The following GRIA4 variants were observed in gnomAD, a reference collection of about 807,000 sequenced individuals.
The protein encoded by GRIA4 is glutamate ionotropic receptor AMPA type subunit 4.
A neutral mutation model predicts 104.0 loss-of-function variants in GRIA4; 34 were observed. That is an observed-to-expected ratio of 0.33 (90% CI 0.25 to 0.44). The LOEUF is 0.44. Ranked by LOEUF, GRIA4 falls within the 20% of genes least tolerant of loss-of-function variation. GRIA4 has a pLI of 1.00. For missense variants in GRIA4, 750 were observed against 1,096.5 expected (o/e 0.68, Z 4.46); for synonymous variants, 386 against 381.9 (o/e 1.01, Z -0.13).
intron 7 of GRIA4, among the ~76,000 whole-genome samples, chr11:105,899,873 T>C (rs904606543): frequency 6.6e-6 from 1 of 152,166 alleles, no homozygotes; most frequent in Non-Finnish European, 1.5e-5. Context: ...ATGCGCATTT[T>C]CTCCATAAGG....
intron 3 of GRIA4, among the ~76,000 whole-genome samples, chr11:105,677,595 T>C (rs377477949): frequency 6.6e-6 from 1 of 151,942 alleles, no homozygotes; most frequent in Non-Finnish European, 1.5e-5. Context: ...GAGAAATTGC[T>C]AGATATTGCA....
intron 3 of GRIA4, among the ~76,000 whole-genome samples, chr11:105,636,657 A>C (rs979929089): frequency 1.3e-5 from 2 of 152,142 alleles, no homozygotes; most frequent in Non-Finnish European, 2.9e-5. Flanking sequence ...CCATATGGTG[A>C]TACTTCCTCA....
chr11:105,766,027 G>A (rs1364900996), intron 4 of GRIA4, among the ~76,000 whole-genome samples: 1 of 148,296 alleles, frequency 6.7e-6, no homozygotes, highest in African/African-American at 2.5e-5. Flanking sequence ...TTTATTTCAG[G>A]ATTTACACAA....
At chr11:105,698,221 T>G (rs536527942) in intron 3 of GRIA4, among the ~76,000 whole-genome samples, 37 of 152,300 alleles carry the variant, frequency 2.4e-4, no homozygotes, top group African/African-American at 8.9e-4. Context: ...ATATATTAAT[T>G]ATGTTAATAT....
At chr11:105,630,424 C>T (rs1213531532) in intron 3 of GRIA4, among the ~76,000 whole-genome samples, 3 of 151,978 alleles carry the variant, frequency 2.0e-5, no homozygotes, top group African/African-American at 7.3e-5. Context: ...ATTAGCCAGG[C>T]GTGGTGGCAT....
At chr11:105,729,411 T>C (rs1938436526) in intron 3 of GRIA4, among the ~76,000 whole-genome samples, 1 of 152,150 alleles carries the variant, frequency 6.6e-6, no homozygotes, top group Non-Finnish European at 1.5e-5. Flanking sequence ...TCAGACCCAA[T>C]TTCTACCAGA....
In GRIA4 at chr11:105,653,223, A is replaced by G. The variant is rs73627613; in HGVS notation, c.247+40789A>G. ...ACCGCACCCGGCCTTTTCTTGCTTT[A>G]TTTATTTGAGCACTTTCATCCTTTT... On this transcript the variant is annotated intron_variant, in intron 3 of 16. Coordinates refer to ENST00000282499, the MANE Select transcript of GRIA4 (RefSeq NM_000829.4). Among the ~76,000 whole-genome samples, 726 of 152,174 alleles carry G rather than the reference A, an allele frequency of 4.8e-3. 9 individuals carry two copies. The highest frequency in any genetic ancestry group is 0.017 in the African/African-American group (693 of 41,536).
intron 6 of GRIA4, among the ~76,000 whole-genome samples, chr11:105,889,634 T>C (rs775513534): frequency 3.9e-5 from 6 of 152,124 alleles, no homozygotes; most frequent in Admixed American, 2.6e-4. Context: ...GATTTTCCCC[T>C]AAAATCAGGA....
At chr11:105,744,817 C>T (rs888579831) in intron 3 of GRIA4, among the ~76,000 whole-genome samples, 4 of 152,132 alleles carry the variant, frequency 2.6e-5, no homozygotes, top group Non-Finnish European at 5.9e-5. Flanking sequence ...GTTCTGCTCT[C>T]TTCCCATTTC....
At chr11:105,689,826 G>A (rs1353440385) in intron 3 of GRIA4, among the ~76,000 whole-genome samples, 1 of 152,188 alleles carries the variant, frequency 6.6e-6, no homozygotes, top group African/African-American at 2.4e-5. Context: ...TTGTGGTTCA[G>A]AGTCCAGCCT....
chr11:105,898,770 G>A (rs1429730427), intron 7 of GRIA4, among the ~76,000 whole-genome samples: 3 of 152,084 alleles, frequency 2.0e-5, no homozygotes, highest in Non-Finnish European at 2.9e-5. Flanking sequence ...TTCATGAAGT[G>A]ATTTAAAATG....
At chr11:105,900,278 C>A (rs1034841150) in intron 7 of GRIA4, among the ~76,000 whole-genome samples, 1 of 152,038 alleles carries the variant, frequency 6.6e-6, no homozygotes, top group Non-Finnish European at 1.5e-5. Context: ...ATTTTTCAAC[C>A]AAGATTAAAA....
intron 4 of GRIA4, among the ~76,000 whole-genome samples, chr11:105,792,134 A>G (rs1313645305): frequency 1.3e-5 from 2 of 152,190 alleles, no homozygotes; most frequent in Non-Finnish European, 2.9e-5. Flanking sequence ...TCATAGGAAA[A>G]GCAGGAATAA....
intron 4 of GRIA4, among the ~76,000 whole-genome samples, chr11:105,761,403 A>AC (rs1478421208): frequency 7.2e-5 from 11 of 152,158 alleles, no homozygotes; most frequent in African/African-American, 2.7e-4. Flanking sequence ...GCCATTATGC[A>AC]CTAAGTACTT....
chr11:105,637,982 T>C (rs1951253613), intron 3 of GRIA4, among the ~76,000 whole-genome samples: 1 of 152,200 alleles, frequency 6.6e-6, no homozygotes, highest in African/African-American at 2.4e-5. Flanking sequence ...TAATTGTGTA[T>C]TTTTAATCGT....
rs1180607433 is a variant in GRIA4, at chr11:105,612,454, T to C, written c.247+20T>C. On this transcript the variant is annotated intron_variant, in intron 3 of 16. Transcript: ENST00000282499. Reference sequence around the variant, plus strand: ...ACGCCTGTAAGTAAAACATAAGCTATGAAAAATTAGAAGAGAACTGAAACC... The same window carrying C: ...ACGCCTGTAAGTAAAACATAAGCTACGAAAAATTAGAAGAGAACTGAAACC... The C allele has an allele frequency of 1.2e-6, 2 of 1,607,876 alleles. No homozygotes were observed. Among genetic ancestry groups the C allele is most frequent in the Admixed American group, 1.7e-5 (1 of 59,318 alleles).
In GRIA4 at chr11:105,751,098, T is replaced by C. The variant is rs117847348; in HGVS notation, c.248-1883T>C. On this transcript the variant is annotated intron_variant, in intron 3 of 16. Coordinates refer to ENST00000282499, the MANE Select transcript of GRIA4 (RefSeq NM_000829.4). ...TAGAACAAGTATTAAAATTTGTGTA[T>C]AGTTTCAGCACAAACTAAAAGCCAG... is the stretch of plus-strand genomic sequence containing the variant. 4.5e-4 allele frequency among the ~76,000 whole-genome samples: 68 copies of C among 152,324 alleles called. 1 individual carries two copies. The East Asian group carries it at 0.01, about 23-fold the overall frequency.
intron 14 of GRIA4, among the ~76,000 whole-genome samples, chr11:105,934,974 G>T (rs1301618498): frequency 6.6e-6 from 1 of 152,156 alleles, no homozygotes; most frequent in East Asian, 1.9e-4. Flanking sequence ...CTTAAAAAGT[G>T]ATGCCTCTGG....
chr11:105,871,761 G>A (rs565571677), intron 5 of GRIA4, among the ~76,000 whole-genome samples: 9 of 152,066 alleles, frequency 5.9e-5, no homozygotes, highest in African/African-American at 1.9e-4. Flanking sequence ...ACAATTTCAT[G>A]TCAAATATAA....
Sources: gnomAD v4.1 joint callset for allele counts (sites outside exome capture counted in the v4.1 genomes callset) on GRCh38, gnomAD v4.1.1 for gene constraint, MANE v1.5 for transcripts, NCBI Gene and HGNC (gene_info 2026-07-23, HGNC 2026-07-21) for gene names.